Variants in TAOK3 observed in about 807,000 individuals in gnomAD.
TAOK3 encodes serine/threonine-protein kinase TAO3.
Under a neutral mutation model 120.4 loss-of-function variants are expected in TAOK3, and 40 were observed. The observed-to-expected ratio is 0.33, with a 90% confidence interval of 0.26 to 0.43. The LOEUF (loss-of-function observed/expected upper bound fraction) is 0.43, where lower values mean the gene tolerates loss of function less well. Among genes scored for constraint, TAOK3 ranks in the 20% least tolerant of loss-of-function variants. The pLI is 1.00. For synonymous variants in TAOK3, 355 were observed against 387.5 expected (o/e 0.92, Z 0.99); for missense variants, 821 against 1,112.1 (o/e 0.74, Z 3.72).
intron 2 of TAOK3, among the ~76,000 whole-genome samples, chr12:118,265,948 G>T (rs2041429066): frequency 6.6e-6 from 1 of 151,858 alleles, no homozygotes; most frequent in South Asian, 2.1e-4. Flanking sequence ...ATCATATTTT[G>T]CAAAGTCTAT....
At chr12:118,315,106 C>A (rs998582909) in intron 1 of TAOK3, among the ~76,000 whole-genome samples, 1 of 151,936 alleles carries the variant, frequency 6.6e-6, no homozygotes, top group Non-Finnish European at 1.5e-5. Flanking sequence ...AACTTTTATA[C>A]TTTTAGTAGA....
At chr12:118,248,538 A>T (rs1390186146) in intron 3 of TAOK3, among the ~76,000 whole-genome samples, 1 of 152,172 alleles carries the variant, frequency 6.6e-6, no homozygotes, top group Non-Finnish European at 1.5e-5. Context: ...GCATCAATAT[A>T]TATAGTGCAG....
intron 1 of TAOK3, among the ~76,000 whole-genome samples, chr12:118,323,730 TTTTTA>T (rs1373189335): frequency 1.3e-5 from 2 of 152,172 alleles, no homozygotes; most frequent in Non-Finnish European, 2.9e-5. Context: ...TAAAATCTCA[TTTTTA>T]TTTAAGAAAT....
rs181373416 is a variant in TAOK3, at chr12:118,256,909, A to C, written c.-88-1254T>G. On this transcript the variant is annotated intron_variant, in intron 2 of 20. Transcript: ENST00000392533. ...TAAGTGAGCAAAGGGTATAGAATGT[A>C]AATTATATTGTAGAGATATTACAAA... 2.0e-5 allele frequency among the ~76,000 whole-genome samples: 3 copies of C among 152,340 alleles called. No homozygotes were observed. The East Asian group carries it at 5.8e-4, about 29-fold the overall frequency.
chr12:118,175,365 G>A (rs981078764), intron 16 of TAOK3, among the ~76,000 whole-genome samples: 3 of 152,102 alleles, frequency 2.0e-5, no homozygotes, highest in Admixed American at 1.3e-4. Context: ...GGTGGCTCAC[G>A]CCTGTAATCT....
chr12:118,221,880 C>T (rs986192696), intron 9 of TAOK3, among the ~76,000 whole-genome samples: 11 of 151,056 alleles, frequency 7.3e-5, no homozygotes, highest in East Asian at 4.0e-4. Context: ...ATGATCTGCC[C>T]GCCTCGGCCT....
chr12:118,338,195 G>A (rs954306201), intron 1 of TAOK3, among the ~76,000 whole-genome samples: 24 of 152,170 alleles, frequency 1.6e-4, no homozygotes, highest in Admixed American at 1.6e-3. Flanking sequence ...GGATGCGGGT[G>A]GGAAGATGGA....
At chr12:118,165,123 C>T (rs563159508) in intron 17 of TAOK3, among the ~76,000 whole-genome samples, 2 of 152,300 alleles carry the variant, frequency 1.3e-5, no homozygotes, top group East Asian at 3.9e-4. Flanking sequence ...TTATCTCTCT[C>T]ATCTCCTCCC....
At chr12:118,288,912 T>G (rs1178569163) in intron 1 of TAOK3, among the ~76,000 whole-genome samples, 1 of 56,750 alleles carries the variant, frequency 1.8e-5, no homozygotes, top group African/African-American at 8.0e-5. Context: ...CAAGACTCTA[T>G]CTCAAAAAAA....
At chr12:118,159,190 G>A (rs1004531387) in intron 19 of TAOK3, among the ~76,000 whole-genome samples, 7 of 152,128 alleles carry the variant, frequency 4.6e-5, no homozygotes, top group Non-Finnish European at 5.9e-5. Flanking sequence ...TCAAGGAATC[G>A]GTTTATGTCA....
At chr12:118,319,972 C>A (rs1218925835) in intron 1 of TAOK3, among the ~76,000 whole-genome samples, 1 of 152,096 alleles carries the variant, frequency 6.6e-6, no homozygotes, top group Non-Finnish European at 1.5e-5. Flanking sequence ...GACAGATACA[C>A]AGATGAACAA....
chr12:118,364,584 C>T (rs547988051), intron 1 of TAOK3, among the ~76,000 whole-genome samples: 2 of 152,274 alleles, frequency 1.3e-5, no homozygotes, highest in Middle Eastern at 6.8e-3. Context: ...AGGAGTAGAA[C>T]ACACACACAA....
intron 19 of TAOK3, among the ~76,000 whole-genome samples, chr12:118,158,181 G>GT (rs2034971226): frequency 6.6e-6 from 1 of 152,134 alleles, no homozygotes; most frequent in South Asian, 2.1e-4. Flanking sequence ...CCCTTCCTGT[G>GT]TCTCTGATTA....
intron 9 of TAOK3, among the ~76,000 whole-genome samples, chr12:118,232,723 C>T (rs2039836560): frequency 6.6e-6 from 1 of 151,906 alleles, no homozygotes; most frequent in East Asian, 1.9e-4. Flanking sequence ...CTGGCCAACA[C>T]AGCAAAACCC....
At chr12:118,339,815 T>C (rs2044539003) in intron 1 of TAOK3, among the ~76,000 whole-genome samples, 1 of 152,206 alleles carries the variant, frequency 6.6e-6, no homozygotes, top group South Asian at 2.1e-4. Context: ...ATTACAGAAG[T>C]GAGCCACCGC....
chr12:118,182,215 A>G (rs1436844938), intron 14 of TAOK3, among the ~76,000 whole-genome samples: 5 of 152,074 alleles, frequency 3.3e-5, no homozygotes, highest in Non-Finnish European at 7.4e-5. Context: ...GAAATTATTT[A>G]TTCAGTCAAA....
intron 1 of TAOK3, among the ~76,000 whole-genome samples, chr12:118,325,489 C>T (rs533721801): frequency 6.6e-6 from 1 of 152,228 alleles, no homozygotes; most frequent in East Asian, 1.9e-4. Context: ...TGATGCTGGG[C>T]ATTTTTTCAT....
intron 1 of TAOK3, among the ~76,000 whole-genome samples, chr12:118,369,621 A>G (rs2045842249): frequency 1.3e-5 from 2 of 152,222 alleles, no homozygotes; most frequent in South Asian, 4.1e-4. Context: ...GAGATTCTCA[A>G]TCCTTCCACA....
intron 1 of TAOK3, among the ~76,000 whole-genome samples, chr12:118,325,775 G>T (rs930592014): frequency 6.6e-6 from 1 of 152,066 alleles, no homozygotes; most frequent in African/African-American, 2.4e-5. Context: ...TGCCTCCCAG[G>T]TTCAAGCAAT....
Sources: gnomAD v4.1 joint callset for allele counts (sites outside exome capture counted in the v4.1 genomes callset) on GRCh38, gnomAD v4.1.1 for gene constraint, MANE v1.5 for transcripts, NCBI Gene and HGNC (gene_info 2026-07-23, HGNC 2026-07-21) for gene names.